The following UBE2G2 variants were observed in gnomAD, a reference collection of about 807,000 sequenced individuals.
UBE2G2 encodes ubiquitin-conjugating enzyme E2 G2.
In UBE2G2, 10 loss-of-function variants were observed where a neutral mutation model predicts 23.0. The ratio of observed to expected loss-of-function variants is 0.43; its 90% CI spans 0.27 to 0.74. The LOEUF (loss-of-function observed/expected upper bound fraction) is 0.74, where lower values mean the gene tolerates loss of function less well. Among genes scored for constraint, UBE2G2 ranks in the 30% least tolerant of loss-of-function variants. The pLI is 0.19. For missense variants in UBE2G2, 150 were observed against 218.3 expected, an observed-to-expected ratio of 0.69 and a Z score of 1.97; for synonymous variants, 86 against 81.3, an observed-to-expected ratio of 1.06 and a Z score of -0.31.
intron 3 of UBE2G2, among the ~76,000 whole-genome samples, chr21:44,782,677 T>C (rs1388032787): frequency 3.3e-5 from 5 of 152,256 alleles, no homozygotes; most frequent in African/African-American, 7.2e-5. Context: ...GCCAAAATTA[T>C]GCAATGGGGA....
intron 3 of UBE2G2, among the ~76,000 whole-genome samples, chr21:44,784,587 A>C (rs1555961730): frequency 3.3e-5 from 5 of 152,128 alleles, no homozygotes; most frequent in Non-Finnish European, 7.4e-5. Context: ...ATGCCCTGTG[A>C]CAGTCTTCAG....
rs1195816854 is a variant in UBE2G2 at position 44,801,774 on chromosome 21, AC to A, written c.-27del. ...GGCCCCGCAACAGCTGCGCCGAGCG[AC>A]CTCGCCTCAGCCGCGCGCGTGCCTC... On this transcript the variant is annotated 5_prime_UTR_variant, in exon 1 of 6. Coordinates refer to ENST00000345496, the MANE Select transcript of UBE2G2 (RefSeq NM_003343.6). 4.0e-6 allele frequency: 6 copies of A among 1,510,038 alleles called. No individual in the cohort carries two copies. The highest frequency in any genetic ancestry group is 1.2e-5 in the South Asian group (1 of 80,028). The allele number at this position is 1,510,038 out of a possible 1,614,324, so 93.5% of individuals were successfully genotyped here. A position where few individuals can be genotyped will look rare whatever the true frequency, so the allele number is the denominator to read the frequency against.
chr21:44,787,507 G>A (rs1456592801), intron 3 of UBE2G2, among the ~76,000 whole-genome samples: 4 of 152,174 alleles, frequency 2.6e-5, no homozygotes, highest in Admixed American at 1.3e-4. Flanking sequence ...GCAAGGCTGC[G>A]CTAACATGCC....
intron 1 of UBE2G2, 67 bp downstream of exon 1, chr21:44,801,639 G>A: frequency 6.7e-7 from 1 of 1,484,762 alleles, no homozygotes. Flanking sequence ...CCCCAGCCCC[G>A]CCGGACGACG....
intron 3 of UBE2G2, among the ~76,000 whole-genome samples, chr21:44,786,490 A>G (rs543196097): frequency 1.3e-5 from 2 of 152,360 alleles, no homozygotes; most frequent in Non-Finnish European, 2.9e-5. Flanking sequence ...CCATCTGAAT[A>G]GCGTTTGATG....
In UBE2G2 at chr21:44,773,593, C is replaced by T; in HGVS notation, c.339G>A (p.Val113=). The part of the protein sequence containing the change: ...YESSAERWSP[V]QSVEKILLSV... ...ACAGCAGGATCTTCTCCACACTCTG[C>T]ACAGGACTCCACCGCTCCGCGCTGC... The change falls in exon 5 of 6, where the codon GTG becomes GTA. Residue 113 remains valine, a synonymous_variant. Transcript: ENST00000345496. 6.2e-7 allele frequency: 1 copy of T among 1,611,544 alleles called. No individual in the cohort carries two copies.
intron 1 of UBE2G2, among the ~76,000 whole-genome samples, chr21:44,797,214 C>A (rs1447140628): frequency 6.6e-6 from 1 of 152,226 alleles, no homozygotes; most frequent in Non-Finnish European, 1.5e-5. Context: ...CTTCGGAAAT[C>A]AACCATTATT....
rs2082879137 is a variant in UBE2G2 at position 44,772,122 on chromosome 21, G to C, written c.386-633C>G. ...AGACCACCAGAACTGGATGACATGT[G>C]CTGAGGCAGCAGCTGTGCAGTGCGG... On this transcript the variant is annotated intron_variant, in intron 5 of 5. Coordinates refer to ENST00000345496, the MANE Select transcript of UBE2G2 (RefSeq NM_003343.6). This position sits in a 1 kb window ranked among gnomAD's most constrained non-coding sequence, Gnocchi z 5.4. Among the ~76,000 whole-genome samples the C allele has an allele frequency of 6.6e-6, 1 of 152,224 alleles. No individual in the cohort carries two copies. The highest frequency in any genetic ancestry group is 2.4e-5 in the African/African-American group (1 of 41,450).
At chr21:44,797,338 T>C (rs1432897948) in intron 1 of UBE2G2, among the ~76,000 whole-genome samples, 1 of 152,118 alleles carries the variant, frequency 6.6e-6, no homozygotes, top group Admixed American at 6.5e-5. Flanking sequence ...CCTTAGAAAA[T>C]GCAAGTTCAA....
At chr21:44,778,396 G>C (rs1299379226) in intron 3 of UBE2G2, among the ~76,000 whole-genome samples, 2 of 152,244 alleles carry the variant, frequency 1.3e-5, no homozygotes, top group African/African-American at 4.8e-5. Context: ...CACAGACACA[G>C]GCACTGAGTC....
At chr21:44,792,657 A>G (rs1322665978) in intron 1 of UBE2G2, among the ~76,000 whole-genome samples, 2 of 152,340 alleles carry the variant, frequency 1.3e-5, no homozygotes, top group Admixed American at 1.3e-4. Context: ...TTATGGCAGT[A>G]TAAGAACGGA....
At chr21:44,781,138 A>G (rs1555961284) in intron 3 of UBE2G2, among the ~76,000 whole-genome samples, 1 of 152,228 alleles carries the variant, frequency 6.6e-6, no homozygotes, top group East Asian at 1.9e-4. Context: ...AGAGAATGCA[A>G]ACTCATCCAT....
rs375734808 is a variant in UBE2G2, at chr21:44,787,963, G to A, written c.82C>T (p.Pro28Ser). 2.5e-6 allele frequency: 4 copies of A among 1,612,944 alleles called. No homozygotes were observed. In the African/African-American group the frequency reaches 5.3e-5, roughly 22 times the overall value. Residue 28 changes from proline (P) to serine (S), a missense_variant and splice_region_variant, in exon 3 of 6, where the codon CCC becomes TCC. Physicochemically the swap from Pro to Ser is moderately conservative, Grantham distance 74. Transcript: ENST00000345496. Reference sequence around the variant, plus strand: ...TCAAAAAAGTTCTCTTCATTCATGGGGCCTGTAGGGTGAGAAAAAATTTCA... The same window carrying A: ...TCAAAAAAGTTCTCTTCATTCATGGAGCCTGTAGGGTGAGAAAAAATTTCA... ...LNPPEGIVAG[P>S]MNEENFFEWE...
intron 1 of UBE2G2, among the ~76,000 whole-genome samples, chr21:44,792,689 T>A (rs957345841): frequency 1.3e-5 from 2 of 152,222 alleles, no homozygotes; most frequent in African/African-American, 2.4e-5. Context: ...ATTAACCGTT[T>A]AATGAACCCA....
intron 3 of UBE2G2, among the ~76,000 whole-genome samples, chr21:44,786,063 A>G (rs1330639685): frequency 8.3e-6 from 1 of 119,782 alleles, no homozygotes; most frequent in Non-Finnish European, 1.7e-5. Flanking sequence ...AAATAGGCCT[A>G]CGGAGGAGCC....
At chr21:44,796,937 C>A (rs1569302271) in intron 1 of UBE2G2, among the ~76,000 whole-genome samples, 1 of 152,218 alleles carries the variant, frequency 6.6e-6, no homozygotes, top group Non-Finnish European at 1.5e-5. Flanking sequence ...TCTCTGACCA[C>A]CCCCATCCTG....
intron 1 of UBE2G2, among the ~76,000 whole-genome samples, chr21:44,793,307 C>A (rs1555963189): frequency 6.6e-6 from 1 of 152,158 alleles, no homozygotes; most frequent in African/African-American, 2.4e-5. Flanking sequence ...GAGCTCGTAC[C>A]AAAGAGAGCT....
chr21:44,773,496 C>T (rs782264126), intron 5 of UBE2G2, 51 bp downstream of exon 5: 8 of 1,575,176 alleles, frequency 5.1e-6, no homozygotes, highest in African/African-American at 1.3e-5. Context: ...CTGGAGAACA[C>T]CTGCAGCCTG....
rs1555959416 is a variant in UBE2G2 at position 44,768,989 on chromosome 21, TG to T, written c.*2387del. ...AGCTGGGATGATCTGGTGTGCTCCC[TG>T]GGGGCAGTGGCCACAGGCTCCTCTG... On this transcript the variant is annotated 3_prime_UTR_variant, in exon 6 of 6. Coordinates refer to ENST00000345496, the MANE Select transcript of UBE2G2 (RefSeq NM_003343.6). The T allele has an allele frequency of 6.6e-6, 1 of 152,068 alleles. No individual in the cohort carries two copies. The highest frequency in any genetic ancestry group is 1.5e-5 in the Non-Finnish European group (1 of 68,034). 9.4% of individuals were successfully genotyped at this position (152,068 alleles called of 1,614,324 possible). A position where few individuals can be genotyped will look rare whatever the true frequency, so the allele number is the denominator to read the frequency against.
Sources: allele counts gnomAD v4.1 joint callset (sites outside exome capture counted in the v4.1 genomes callset), GRCh38; gene constraint gnomAD v4.1.1; non-coding constraint Gnocchi (gnomAD v3.1); transcripts MANE v1.5; gene names NCBI Gene and HGNC (gene_info 2026-07-23, HGNC 2026-07-21).